Variants in AXIN2 observed in about 807,000 individuals in gnomAD.
The protein encoded by AXIN2 is axin-2.
Under a neutral mutation model 74.7 loss-of-function variants are expected in AXIN2, and 21 were observed. The ratio of observed to expected loss-of-function variants is 0.28; its 90% CI spans 0.20 to 0.40. The LOEUF (loss-of-function observed/expected upper bound fraction) is 0.40, where lower values mean the gene tolerates loss of function less well. AXIN2 is among the 10% of genes least tolerant of loss of function. AXIN2 has a pLI of 1.00. For synonymous variants in AXIN2, 532 were observed against 454.9 expected (o/e 1.17, Z -2.16); for missense variants, 1,144 against 1,111.1 (o/e 1.03, Z -0.42).
In AXIN2 at chr17:65,537,616, G is replaced by A. The variant is rs1060502132; in HGVS notation, c.1420C>T (p.His474Tyr). The change falls in exon 6 of 11, where the codon CAT becomes TAT. Residue 474 changes from histidine to tyrosine, a missense_variant. Around this residue, in one of 4 missense-constraint regions of AXIN2, gnomAD observed 1,053 missense variants for 973.5 expected, o/e 1.08. Transcript: ENST00000307078. ...GGGAGCAGGGAGTGGTACTGCGAAT[G>A]GTGGTGGTGGTGGTGGTCCGGGGAG... Reference protein sequence around the residue: ...SRSPDHHHHHHSQYHSLLPPG... With the variant: ...SRSPDHHHHHYSQYHSLLPPG... 14 of 1,559,074 alleles carry A rather than the reference G, an allele frequency of 9.0e-6. No homozygotes were observed. Among genetic ancestry groups the A allele is most frequent in the Non-Finnish European group, 1.2e-5 (14 of 1,148,588 alleles).
At position 65,557,888 on chromosome 17, in the gene AXIN2, G is replaced by A. The variant is rs62640028; in HGVS notation, c.733C>T (p.Pro245Ser). The A allele has an allele frequency of 5.2e-4, 842 of 1,614,152 alleles. No individual in the cohort carries two copies. The highest frequency in any genetic ancestry group is 6.3e-4 in the Non-Finnish European group (738 of 1,180,032). Residue 245 changes from proline (P) to serine (S), a missense_variant, in exon 2 of 11, where the codon CCA becomes TCA. Physicochemically the swap from Pro to Ser is moderately conservative, Grantham distance 74 (BLOSUM62 -1). Around this residue, in one of 4 missense-constraint regions of AXIN2, gnomAD observed 1,053 missense variants for 973.5 expected, o/e 1.08. Coordinates refer to ENST00000307078, the MANE Select transcript of AXIN2 (RefSeq NM_004655.4). ...TCADFKCKLS[P>S]TVVGLSSKTL... is the part of the protein sequence containing the mutation. ...TTGCTGGACAAGCCAACCACGGTTG[G>A]CGAAAGTTTGCACTTGAAGTCGGCA...
intron 2 of AXIN2, among the ~76,000 whole-genome samples, chr17:65,556,465 C>G (rs1363229766): frequency 6.6e-6 from 1 of 152,208 alleles, no homozygotes; most frequent in Non-Finnish European, 1.5e-5. Flanking sequence ...AGCATAAAGA[C>G]ACTGAAACAC....
intron 10 of AXIN2, among the ~76,000 whole-genome samples, chr17:65,530,698 C>A (rs2043801571): frequency 6.6e-6 from 1 of 152,226 alleles, no homozygotes; most frequent in Admixed American, 6.5e-5. Flanking sequence ...ACACAGGAGG[C>A]AAGCCAGCCC....
At chr17:65,555,768 C>T (rs1243332178) in intron 2 of AXIN2, among the ~76,000 whole-genome samples, 1 of 152,122 alleles carries the variant, frequency 6.6e-6, no homozygotes, top group Non-Finnish European at 1.5e-5. Context: ...AGTCAGCAGA[C>T]CTTTCCATAC....
intron 5 of AXIN2, 126 bp downstream of exon 5, chr17:65,538,077 G>GC: frequency 6.5e-7 from 1 of 1,529,484 alleles, no homozygotes; most frequent in South Asian, 1.2e-5. Flanking sequence ...CCCACACGCA[G>GC]CCCACGCGCA....
intron 3 of AXIN2, among the ~76,000 whole-genome samples, chr17:65,543,269 G>A (rs1302764950): frequency 6.6e-6 from 1 of 152,150 alleles, no homozygotes; most frequent in Non-Finnish European, 1.5e-5. Context: ...GACCAGTGCT[G>A]GAGAAACACG....
chr17:65,531,240 C>T lies in AXIN2; in HGVS notation c.2406-1138G>A, dbSNP rs2043810629. Among the ~76,000 whole-genome samples the T allele has an allele frequency of 2.6e-5, 4 of 151,596 alleles. No individual in the cohort carries two copies. In the South Asian group the frequency reaches 8.3e-4, roughly 32 times the overall value. ...CCCTTGGTTAGAGCTCAATTTTTTCCCTCTTTAATAAAGGCAAGCCAAATA... is the reference window on the plus strand; with the variant it reads ...CCCTTGGTTAGAGCTCAATTTTTTCTCTCTTTAATAAAGGCAAGCCAAATA... On this transcript the variant is annotated intron_variant, in intron 10 of 10. Coordinates refer to ENST00000307078, the MANE Select transcript of AXIN2 (RefSeq NM_004655.4).
In AXIN2 at chr17:65,529,890, A is replaced by C; in HGVS notation, c.*86T>G. ...TTCTTCATTGGTTTAATTTTCCTTC[A>C]AAATGTTTTGTCGCAGTTGCTCACA... On this transcript the variant is annotated 3_prime_UTR_variant, in exon 11 of 11. Coordinates refer to ENST00000307078, the MANE Select transcript of AXIN2 (RefSeq NM_004655.4). 3 of 1,609,250 alleles carry C rather than the reference A, an allele frequency of 1.9e-6. No individual in the cohort carries two copies. Among genetic ancestry groups the C allele is most frequent in the Non-Finnish European group, 2.5e-6 (3 of 1,177,462 alleles).
rs760712196 is a variant in AXIN2, at chr17:65,537,415, A to G, written c.1621T>C (p.Cys541Arg). 1.9e-6 allele frequency: 3 copies of G among 1,613,932 alleles called. No homozygotes were observed. In the African/African-American group the frequency reaches 4.0e-5, roughly 22 times the overall value. The stretch of plus-strand genomic sequence containing the variant: ...TACTCGCTGCCCCCAGGGCAGAAGC[A>G]GTGCACCCGCTGCGTGGCCTCCGCC... ...IEAEATQRVH[C>R]FCPGGSEYYC... Residue 541 changes from cysteine (C) to arginine (R), a missense_variant, in exon 6 of 11, where the codon TGC becomes CGC. Physicochemically the swap from Cys to Arg is radical, Grantham distance 180. Transcript: ENST00000307078.
At chr17:65,549,922 G>A (rs1221041948) in intron 2 of AXIN2, among the ~76,000 whole-genome samples, 3 of 152,194 alleles carry the variant, frequency 2.0e-5, no homozygotes, top group Non-Finnish European at 4.4e-5. Flanking sequence ...TCCAGAGGCA[G>A]CCCAGGGGAT....
At chr17:65,552,680 G>C (rs2044210638) in intron 2 of AXIN2, among the ~76,000 whole-genome samples, 1 of 152,196 alleles carries the variant, frequency 6.6e-6, no homozygotes, top group Non-Finnish European at 1.5e-5. Context: ...CAAAGGCACA[G>C]TAATTTGGGG....
rs760217787 is a variant in AXIN2 at position 65,533,970 on chromosome 17, C to A, written c.2347G>T (p.Ala783Ser). ...AAGTGGCCCAGGGTCAAGCTCTGAG[C>A]CTTCAGCATCCTCCGGTATGGAATT... is the stretch of plus-strand genomic sequence containing the variant. ...EEIPYRRMLK[A>S]QSLTLGHFKE... The change falls in exon 10 of 11, where the codon GCT becomes TCT. Residue 783 changes from alanine (A) to serine (S), a missense_variant. Around this residue, in one of 4 missense-constraint regions of AXIN2, gnomAD observed 65 missense variants for 95.7 expected, o/e 0.68. Transcript: ENST00000307078. 18 of 1,614,086 alleles carry A rather than the reference C, an allele frequency of 1.1e-5. No homozygotes were observed. The highest frequency in any genetic ancestry group is 5.0e-5 in the Admixed American group (3 of 60,010).
At chr17:65,557,725 A>G in intron 2 of AXIN2, 81 bp downstream of exon 2, 2 of 1,403,924 alleles carry the variant, frequency 1.4e-6, no homozygotes, top group Non-Finnish European at 2.0e-6. Context: ...TCTCTGCAGC[A>G]CACCCATCCA....
intron 2 of AXIN2, among the ~76,000 whole-genome samples, chr17:65,552,001 A>C (rs373589417): frequency 1.3e-5 from 2 of 151,888 alleles, no homozygotes; most frequent in South Asian, 4.2e-4. Context: ...CCCTGTTCTC[A>C]TATCTGTAGA....
In AXIN2 at chr17:65,537,651, G is replaced by T. The variant is rs758592586; in HGVS notation, c.1385C>A (p.Pro462His). The stretch of plus-strand genomic sequence containing the variant: ...GTGGTGGTCCGGGGAGCGGGAGCGG[G>T]GGCTATAGCGGCCTACGCCTGGAGA... ...CQSPGVGRYS[P>H]RSRSPDHHHH... The change falls in exon 6 of 11, where the codon CCC becomes CAC. Residue 462 changes from proline to histidine, a missense_variant. Physicochemically the swap from Pro to His is moderately conservative, Grantham distance 77. Coordinates refer to ENST00000307078, the MANE Select transcript of AXIN2 (RefSeq NM_004655.4). 6.4e-7 allele frequency: 1 copy of T among 1,568,584 alleles called. No homozygotes were observed. The highest frequency in any genetic ancestry group is 8.6e-7 in the Non-Finnish European group (1 of 1,159,266).
chr17:65,543,960 G>A (rs918052058), intron 3 of AXIN2, among the ~76,000 whole-genome samples: 1 of 152,142 alleles, frequency 6.6e-6, no homozygotes, highest in Non-Finnish European at 1.5e-5. Context: ...GCTCATGCTG[G>A]TCTAACCAAA....
In AXIN2 at chr17:65,549,209, A is replaced by T. The variant is rs114048502; in HGVS notation, c.956+311T>A. 0.011 allele frequency among the ~76,000 whole-genome samples: 1,722 copies of T among 152,292 alleles called. 30 individuals are homozygous for T. The highest frequency in any genetic ancestry group is 0.039 in the African/African-American group (1,634 of 41,552). ...GGGACAACCAGATGATGACAACCAG[A>T]AGAAGGTTTTTTAAACTCAAGGAAT... On this transcript the variant is annotated intron_variant, in intron 3 of 10. Coordinates refer to ENST00000307078, the MANE Select transcript of AXIN2 (RefSeq NM_004655.4).
rs1060502133 is a variant in AXIN2, at chr17:65,537,450, T to C, written c.1586A>G (p.Glu529Gly). 12 of 1,613,838 alleles carry C rather than the reference T, an allele frequency of 7.4e-6. No individual in the cohort carries two copies. The highest frequency in any genetic ancestry group is 9.3e-6 in the Non-Finnish European group (11 of 1,179,956). ...IHHHAVPKTK[E>G]EIEAEATQRV... ...CTGCGTGGCCTCCGCCTCGATCTCC[T>C]CCTTGGTCTTGGGGACGGCATGGTG... The change falls in exon 6 of 11, where the codon GAG (glutamate) becomes GGG (glycine). Residue 529 changes from glutamate (E) to glycine (G), a missense_variant. By Grantham distance (98) the Glu-to-Gly change is moderately conservative. Around this residue, in one of 4 missense-constraint regions of AXIN2, gnomAD observed 1,053 missense variants for 973.5 expected, o/e 1.08. Coordinates refer to ENST00000307078, the MANE Select transcript of AXIN2 (RefSeq NM_004655.4).
intron 1 of AXIN2, chr17:65,560,632 T>C (rs1362749606): frequency 1.3e-5 from 2 of 151,430 alleles, no homozygotes; most frequent in African/African-American, 2.4e-5. Context: ...GTCACCGCGC[T>C]GGGGAGGGGG....
Sources: allele counts gnomAD v4.1 joint callset (sites outside exome capture counted in the v4.1 genomes callset), GRCh38; gene constraint gnomAD v4.1.1; regional missense constraint gnomAD v4.1.1; transcripts MANE v1.5; gene names NCBI Gene and HGNC (gene_info 2026-07-23, HGNC 2026-07-21).